PSG9: variants seen among roughly 807,000 people sequenced by gnomAD.
PSG9 encodes pregnancy specific beta-1-glycoprotein 9.
A neutral mutation model predicts 41.9 loss-of-function variants in PSG9; 49 were observed. The observed-to-expected ratio is 1.17, with a 90% CI of 0.93 to 1.48. The LOEUF is 1.48. PSG9 is among the 40% of genes most tolerant of loss of function. The probability of loss-of-function intolerance (pLI) is 0.00; values close to 1 mark genes in which losing one functional copy is unlikely to be tolerated. For synonymous variants in PSG9, 263 were observed against 196.8 expected (o/e 1.34, Z -2.82); for missense variants, 641 against 520.3 (o/e 1.23, Z -2.26).
chr19:43,261,051 G>T lies in PSG9; in HGVS notation c.709+809C>A, dbSNP rs138506150. Reference sequence around the variant, plus strand: ...AAGAATGATCTAGAAAGAGTGAAGGGACAGGCAAAAGCTGGTGGTTTTGGA... The same window carrying T: ...AAGAATGATCTAGAAAGAGTGAAGGTACAGGCAAAAGCTGGTGGTTTTGGA... On this transcript the variant is annotated intron_variant, in intron 3 of 5. Coordinates refer to ENST00000270077, the MANE Select transcript of PSG9 (RefSeq NM_002784.5). Among the ~76,000 whole-genome samples the T allele has an allele frequency of 2.2e-4, 33 of 152,180 alleles. No homozygotes were observed. In the East Asian group the frequency reaches 5.4e-3, roughly 25 times the overall value.
chr19:43,258,359 T>C lies in PSG9; in HGVS notation c.1086A>G (p.Ala362=). The C allele has an allele frequency of 6.3e-7, 1 of 1,592,970 alleles. No individual in the cohort carries two copies. Among genetic ancestry groups the C allele is most frequent in the Non-Finnish European group, 8.5e-7 (1 of 1,174,600 alleles). Residue 362 remains alanine (A), a synonymous_variant, in exon 5 of 6, where the codon GCA becomes GCG. Transcript: ENST00000270077. ...LSCFTESNPP[A]EYFWTINGKF... is the part of the protein sequence containing the mutation. Reference sequence around the variant, plus strand: ...TCCCATTAATTGTCCAAAAATACTCTGCCGGTGGGTTAGATTCCGTGAAGC... The same window carrying C: ...TCCCATTAATTGTCCAAAAATACTCCGCCGGTGGGTTAGATTCCGTGAAGC...
chr19:43,253,888 T>C (rs1398016170), intron 5 of PSG9, among the ~76,000 whole-genome samples: 2 of 146,274 alleles, frequency 1.4e-5, no homozygotes, highest in East Asian at 2.4e-4. Flanking sequence ...CTCTGCATAG[T>C]GTTCTGTGGG....
chr19:43,259,450 G>T, intron 3 of PSG9: 1 of 379,778 alleles, frequency 2.6e-6, no homozygotes. Flanking sequence ...CAGTTGACTG[G>T]CTGGCTCACC....
At chr19:43,257,973 C>T in intron 5 of PSG9, 2 of 1,461,538 alleles carry the variant, frequency 1.4e-6, no homozygotes, top group Non-Finnish European at 1.8e-6. Context: ...CTGATAAAGC[C>T]CCCTCCCTAC....
At chr19:43,263,838 A>G (rs1249907674) in intron 2 of PSG9, among the ~76,000 whole-genome samples, 2 of 152,156 alleles carry the variant, frequency 1.3e-5, no homozygotes, top group Admixed American at 6.6e-5. Flanking sequence ...TGGTCAGTGC[A>G]TCAATTACAT....
chr19:43,269,336 C>G, intron 1 of PSG9, 32 bp downstream of exon 1: 1 of 1,613,218 alleles, frequency 6.2e-7, no homozygotes, highest in South Asian at 1.1e-5. Flanking sequence ...CGCTTCCTCC[C>G]CCTGTCCTCT....
rs752822142 is a variant in PSG9, at chr19:43,259,089, C to T, written c.756G>A (p.Arg252=). ...TGAAGGCTAAGACATCCTTATTCTC[C>T]CTGGGGTTTAAGTTGTTGATGGTGA... is the stretch of plus-strand genomic sequence containing the variant. ...PYITINNLNP[R]ENKDVLAFTC... Residue 252 remains arginine, a synonymous_variant, in exon 4 of 6, where the codon AGG becomes AGA. Coordinates refer to ENST00000270077, the MANE Select transcript of PSG9 (RefSeq NM_002784.5). 13 of 1,590,442 alleles carry T rather than the reference C, an allele frequency of 8.2e-6. 1 individual carries two copies. The highest frequency in any genetic ancestry group is 1.7e-5 in the Admixed American group (1 of 58,608).
rs1463155465 is a variant in PSG9 at position 43,262,079 on chromosome 19, C to A, written c.490G>T (p.Ala164Ser). 2 of 1,613,976 alleles carry A rather than the reference C, an allele frequency of 1.2e-6. No homozygotes were observed. The highest frequency in any genetic ancestry group is 1.7e-6 in the Non-Finnish European group (2 of 1,179,890). ...TCAGGATCACAGATTAAGCGCACAG[C>A]CTCCATGGCCTCCCTGGGGTTTAAG... ...SNLNPREAME[A>S]VRLICDPETL... Residue 164 changes from alanine to serine, a missense_variant, in exon 3 of 6, where the codon GCT becomes TCT. Transcript: ENST00000270077.
intron 3 of PSG9, chr19:43,259,846 G>A (rs917425145): frequency 1.4e-5 from 2 of 147,680 alleles, no homozygotes; most frequent in Non-Finnish European, 2.9e-5. Flanking sequence ...GGTGGCTTTG[G>A]AGCAGAACCA....
Position 43,262,034 on chromosome 19 carries a change from G to C in PSG9, c.535C>G (p.Leu179Val). ...AGGCTCTGACCATTCATCCACCATAGGTAGCTTGCGTCCAGAGTCTCAGGA... is the reference window on the plus strand; with the variant it reads ...AGGCTCTGACCATTCATCCACCATACGTAGCTTGCGTCCAGAGTCTCAGGA... The part of the protein sequence containing the change: ...CDPETLDASY[L>V]WWMNGQSLPV... Residue 179 changes from leucine (L) to valine (V), a missense_variant, in exon 3 of 6, where the codon CTA becomes GTA. Transcript: ENST00000270077. 1 of 1,613,994 alleles carries C rather than the reference G, an allele frequency of 6.2e-7. No individual in the cohort carries two copies. The highest frequency in any genetic ancestry group is 2.2e-5 in the East Asian group (1 of 44,862).
In PSG9 at chr19:43,253,425, GA is replaced by G. The variant is rs1382972365; in HGVS notation, c.*183del. 6.2e-5 allele frequency: 26 copies of G among 422,456 alleles called. No individual in the cohort carries two copies. The highest frequency in any genetic ancestry group is 2.4e-4 in the South Asian group (5 of 21,218). 26.2% of individuals were successfully genotyped at this position (422,456 alleles called of 1,614,324 possible). ...AAAGTATACTTTACCAATTGCTGAA[GA>G]AAAAAAGTTCATAAATCTGGAGAAT... is the stretch of plus-strand genomic sequence containing the variant. On this transcript the variant is annotated 3_prime_UTR_variant, in exon 6 of 6. Coordinates refer to ENST00000270077, the MANE Select transcript of PSG9 (RefSeq NM_002784.5).
rs550826989 is a variant in PSG9 at position 43,255,386 on chromosome 19, A to T, written c.1244-1740T>A. ...CTCAACATAAAGGCAATATGTGAAA[A>T]ACCCAATGCTAGCATCATACTCAAT... On this transcript the variant is annotated intron_variant, in intron 5 of 5. Transcript: ENST00000270077. Among the ~76,000 whole-genome samples the T allele has an allele frequency of 2.7e-5, 4 of 146,634 alleles. 1 individual carries two copies. In the South Asian group the frequency reaches 8.6e-4, roughly 32 times the overall value.
intron 3 of PSG9, 94 bp downstream of exon 3, chr19:43,261,766 T>C: frequency 6.2e-7 from 1 of 1,611,506 alleles, no homozygotes; most frequent in Non-Finnish European, 8.5e-7. Flanking sequence ...TAAAGGTCTC[T>C]GTACTTGGAC....
At chr19:43,265,087 A>AT (rs34138816) in intron 2 of PSG9, among the ~76,000 whole-genome samples, 18,284 of 152,122 alleles carry the variant, frequency 0.12, 1,550 homozygotes, top group East Asian at 0.37. Context: ...TCATTCCTGG[A>AT]CATAGGTCAG....
Position 43,258,037 on chromosome 19 carries a change from A to G in PSG9, c.1243+165T>C. ...ATAAGAAAACAGAAAAACAAGGAGA[A>G]GAGAGTCTGTAGAGACAAATTGGGA... On this transcript the variant is annotated intron_variant, in intron 5 of 5. Transcript: ENST00000270077. 2 of 1,565,976 alleles carry G rather than the reference A, an allele frequency of 1.3e-6. 1 individual carries two copies. The highest frequency in any genetic ancestry group is 1.7e-6 in the Non-Finnish European group (2 of 1,164,664).
At position 43,267,875 on chromosome 19, in the gene PSG9, G is replaced by C. The variant is rs1313211832; in HGVS notation, c.339C>G (p.Thr113=). The change falls in exon 2 of 6, where the codon ACC becomes ACG. Residue 113 remains threonine, a synonymous_variant. Transcript: ENST00000270077. ...SNASLLIQNV[T]RKDAGTYTLH... ...AGGTGTAGGTTCCTGCATCCTTCCG[G>C]GTGACATTCTGGATCAGCAGGGATG... The C allele has an allele frequency of 1.2e-6, 2 of 1,613,684 alleles. No homozygotes were observed.
chr19:43,268,036 G>A lies in PSG9; in HGVS notation c.178C>T (p.Gln60Ter). 1 of 1,613,834 alleles carries A rather than the reference G, an allele frequency of 6.2e-7. No homozygotes were observed. The highest frequency in any genetic ancestry group is 8.5e-7 in the Non-Finnish European group (1 of 1,179,910). Residue 60 changes from glutamine to a stop codon, truncating the protein, a stop_gained, in exon 2 of 6, where the codon CAG becomes TAG. Coordinates refer to ENST00000270077, the MANE Select transcript of PSG9 (RefSeq NM_002784.5). LOFTEE classifies it high-confidence loss of function. Reference sequence around the variant, plus strand: ...TACCAGAAGTAGCCAGGAAGATTCTGGGGCAAATTGTGGACAAGTAGAAGA... The same window carrying A: ...TACCAGAAGTAGCCAGGAAGATTCTAGGGCAAATTGTGGACAAGTAGAAGA... ...DVLLLVHNLP[Q>*]NLPGYFWYKG...
At chr19:43,254,245 A>G (rs1459947063) in intron 5 of PSG9, among the ~76,000 whole-genome samples, 1 of 146,304 alleles carries the variant, frequency 6.8e-6, no homozygotes, top group Non-Finnish European at 1.5e-5. Context: ...TGCCGATGAA[A>G]AGACAGAAGC....
At chr19:43,261,436 G>A (rs1391744903) in intron 3 of PSG9, among the ~76,000 whole-genome samples, 1 of 152,116 alleles carries the variant, frequency 6.6e-6, no homozygotes, top group Non-Finnish European at 1.5e-5. Flanking sequence ...GTATGAGGAA[G>A]AAATGGTGGG....
Sources: gnomAD v4.1 joint callset for allele counts (sites outside exome capture counted in the v4.1 genomes callset) on GRCh38, gnomAD v4.1.1 for gene constraint, MANE v1.5 for transcripts, NCBI Gene and HGNC (gene_info 2026-07-23, HGNC 2026-07-21) for gene names.